The following ZNF385D variants were observed in gnomAD, a reference collection of about 807,000 sequenced individuals.
The protein encoded by ZNF385D is zinc finger protein 385D.
Under a neutral mutation model 35.8 loss-of-function variants are expected in ZNF385D, and 15 were observed. The observed-to-expected ratio is 0.42, with a 90% CI of 0.28 to 0.64. The LOEUF (loss-of-function observed/expected upper bound fraction) is 0.64. Ranked by LOEUF, ZNF385D falls within the 30% of genes least tolerant of loss-of-function variation. The pLI is 0.23. For missense variants in ZNF385D, 474 were observed against 494.6 expected, an observed-to-expected ratio of 0.96 and a Z score of 0.39; for synonymous variants, 212 against 186.8, an observed-to-expected ratio of 1.13 and a Z score of -1.10.
At chr3:21,435,238 A>G (rs935373147) in intron 5 of ZNF385D, among the ~76,000 whole-genome samples, 1 of 150,092 alleles carries the variant, frequency 6.7e-6, no homozygotes, top group African/African-American at 2.4e-5. Context: ...ATAAGAATTC[A>G]AGAAGAACAA....
chr3:22,104,908 G>A (rs952036465), intron 3 of ZNF385D, among the ~76,000 whole-genome samples: 1 of 152,140 alleles, frequency 6.6e-6, no homozygotes, highest in South Asian at 2.1e-4. Context: ...TAACTGAAGA[G>A]AATGCTGAAG....
chr3:22,123,815 T>C (rs1918458), intron 3 of ZNF385D, among the ~76,000 whole-genome samples: 34,387 of 151,540 alleles, frequency 0.23, 4,528 homozygotes, highest in East Asian at 0.42. Flanking sequence ...GGAACTGAGA[T>C]TGCACCACTG....
rs1428741534 is a variant in ZNF385D at position 21,567,458 on chromosome 3, A to C, written c.166-2774T>G. On this transcript the variant is annotated intron_variant, in intron 2 of 7. Transcript: ENST00000281523. The stretch of plus-strand genomic sequence containing the variant: ...AAGCCAAGGGCCACACAAATGTGTG[A>C]ATCTGCGCTGCTTCAATAGCCCTCA... Among the ~76,000 whole-genome samples, 3 of 152,188 alleles carry C rather than the reference A, an allele frequency of 2.0e-5. No individual in the cohort carries two copies. The East Asian group carries it at 5.8e-4, about 29-fold the overall frequency.
chr3:21,762,645 G>A (rs781249637), intron 3 of ZNF385D, among the ~76,000 whole-genome samples: 19 of 152,024 alleles, frequency 1.2e-4, no homozygotes, highest in Non-Finnish European at 2.5e-4. Context: ...ATAATACACT[G>A]TCCAGATCTC....
intron 2 of ZNF385D, among the ~76,000 whole-genome samples, chr3:22,180,029 T>C (rs1310161945): frequency 6.6e-6 from 1 of 152,140 alleles, no homozygotes; most frequent in African/African-American, 2.4e-5. Context: ...ACAAAGTTGA[T>C]AGACCACTAG....
intron 2 of ZNF385D, among the ~76,000 whole-genome samples, chr3:22,253,352 T>G (rs1312168198): frequency 2.0e-5 from 3 of 151,792 alleles, no homozygotes; most frequent in Non-Finnish European, 2.9e-5. Context: ...AGAAAGCAAT[T>G]AGAAAAAAAA....
intron 2 of ZNF385D, among the ~76,000 whole-genome samples, chr3:22,250,381 G>A (rs536472007): frequency 6.6e-6 from 1 of 151,890 alleles, no homozygotes; most frequent in Admixed American, 6.6e-5. Context: ...TTTAAAAGGT[G>A]TATTTCTGCT....
At chr3:21,876,334 T>A (rs1320834232) in intron 3 of ZNF385D, among the ~76,000 whole-genome samples, 1 of 151,648 alleles carries the variant, frequency 6.6e-6, no homozygotes, top group Non-Finnish European at 1.5e-5. Flanking sequence ...TCATTCAGCC[T>A]GGTCAAAACG....
At chr3:22,310,033 G>C (rs78417317) in intron 2 of ZNF385D, among the ~76,000 whole-genome samples, 2 of 151,912 alleles carry the variant, frequency 1.3e-5, no homozygotes, top group African/African-American at 4.8e-5. Context: ...TTTACATTGG[G>C]ATGAGGATTG....
At chr3:21,567,670 C>T (rs11714683) in intron 2 of ZNF385D, among the ~76,000 whole-genome samples, 22,397 of 152,060 alleles carry the variant, frequency 0.15, 1,675 homozygotes, top group East Asian at 0.16. Flanking sequence ...GTGTTTCTAT[C>T]GGGATAAGGT....
chr3:21,765,217 TGAGA>T (rs562978427), intron 3 of ZNF385D, among the ~76,000 whole-genome samples: 40 of 149,548 alleles, frequency 2.7e-4, no homozygotes, highest in African/African-American at 4.2e-4. Context: ...TGTGTGTGTG[TGAGA>T]GAGAGAGAGA....
intron 3 of ZNF385D, among the ~76,000 whole-genome samples, chr3:21,513,776 A>G (rs1707379996): frequency 1.3e-5 from 2 of 152,274 alleles, no homozygotes; most frequent in African/African-American, 2.4e-5. Context: ...GGTAATGTTT[A>G]TAGAATTTAT....
intron 3 of ZNF385D, among the ~76,000 whole-genome samples, chr3:21,560,205 C>G (rs138789119): frequency 6.6e-6 from 1 of 152,068 alleles, no homozygotes; most frequent in African/African-American, 2.4e-5. Context: ...CTCTTACTGG[C>G]GAGGAGTTGT....
At chr3:22,337,984 T>C (rs1226794678) in intron 2 of ZNF385D, among the ~76,000 whole-genome samples, 1 of 152,198 alleles carries the variant, frequency 6.6e-6, no homozygotes, top group Non-Finnish European at 1.5e-5. Context: ...ATTCTACATA[T>C]GGGGTTTATG....
At chr3:22,277,931 A>T (rs1701515049) in intron 2 of ZNF385D, among the ~76,000 whole-genome samples, 1 of 152,058 alleles carries the variant, frequency 6.6e-6, no homozygotes, top group South Asian at 2.1e-4. Flanking sequence ...AATGAACAGT[A>T]GTCTCTCTAA....
chr3:21,802,037 G>C (rs558226609), intron 3 of ZNF385D, among the ~76,000 whole-genome samples: 1 of 152,046 alleles, frequency 6.6e-6, no homozygotes, highest in Non-Finnish European at 1.5e-5. Flanking sequence ...TTTTATAGGA[G>C]ACGGGGCAGA....
chr3:21,629,588 TTTC>T (rs1191589366), intron 2 of ZNF385D, among the ~76,000 whole-genome samples: 3 of 152,112 alleles, frequency 2.0e-5, no homozygotes, highest in Non-Finnish European at 4.4e-5. Flanking sequence ...AGAGTTTCTT[TTTC>T]TTCTTCTTTT....
At chr3:22,315,989 C>G (rs994184205) in intron 2 of ZNF385D, among the ~76,000 whole-genome samples, 2 of 152,138 alleles carry the variant, frequency 1.3e-5, no homozygotes, top group African/African-American at 4.8e-5. Context: ...TGTGTGACTT[C>G]CCAGTTGCTC....
intron 3 of ZNF385D, among the ~76,000 whole-genome samples, chr3:21,794,772 G>C (rs1297634839): frequency 6.6e-6 from 1 of 152,166 alleles, no homozygotes; most frequent in African/African-American, 2.4e-5. Flanking sequence ...AATGGGAAAA[G>C]AGTTTGTAAG....
Sources: allele counts gnomAD v4.1 joint callset (sites outside exome capture counted in the v4.1 genomes callset), GRCh38; gene constraint gnomAD v4.1.1; transcripts MANE v1.5; gene names NCBI Gene and HGNC (gene_info 2026-07-23, HGNC 2026-07-21).